The following RECQL5 variants were observed in gnomAD, a reference collection of about 807,000 sequenced individuals.
RECQL5 encodes the protein ATP-dependent DNA helicase Q5.
Under a neutral mutation model 103.4 loss-of-function variants are expected in RECQL5, and 88 were observed. The ratio of observed to expected loss-of-function variants is 0.85; its 90% CI spans 0.72 to 1.02. RECQL5 has a LOEUF of 1.02. Ranked by LOEUF, RECQL5 falls within the 50% of genes least tolerant of loss-of-function variation. The probability of loss-of-function intolerance (pLI) is 0.00; values close to 1 mark genes in which losing one functional copy is unlikely to be tolerated. For missense variants in RECQL5, 1,232 were observed against 1,284.3 expected (o/e 0.96, Z 0.62); for synonymous variants, 552 against 507.9 (o/e 1.09, Z -1.17).
chr17:75,664,002 C>T (rs574196744), intron 3 of RECQL5, among the ~76,000 whole-genome samples: 4 of 137,162 alleles, frequency 2.9e-5, no homozygotes, highest in East Asian at 2.2e-4. Context: ...TGCGGTGAGC[C>T]GAGAACACGC....
rs769320661 is a variant in RECQL5, at chr17:75,662,440, T to C, written c.771+39A>G. On this transcript the variant is annotated intron_variant, in intron 4 of 19. Coordinates refer to ENST00000317905, the MANE Select transcript of RECQL5 (RefSeq NM_004259.7). ...CCATCTCCATCACATCGCACCCCAC[T>C]GCTCTAACAGCTGCTTGGCCTCCAC... is the stretch of plus-strand genomic sequence containing the variant. 1.4e-5 allele frequency: 23 copies of C among 1,593,766 alleles called. 1 individual carries two copies. In the South Asian group the frequency reaches 2.4e-4, roughly 17 times the overall value.
chr17:75,655,280 C>T (rs562621565), intron 7 of RECQL5, among the ~76,000 whole-genome samples: 1 of 151,294 alleles, frequency 6.6e-6, no homozygotes, highest in Admixed American at 6.6e-5. Context: ...CCATGTTGGC[C>T]GGCTGGTCTC....
rs753140689 is a variant in RECQL5 at position 75,628,662 on chromosome 17, C to G, written c.2580+10G>C. 7 of 1,581,776 alleles carry G rather than the reference C, an allele frequency of 4.4e-6. No homozygotes were observed. The highest frequency in any genetic ancestry group is 1.2e-5 in the South Asian group (1 of 86,548). ...TCTCTCCTCCCCAACAGACTCATCC[C>G]TGCCGGCACCTGCTGGGATCGAGGC... On this transcript the variant is annotated intron_variant, in intron 17 of 19. Transcript: ENST00000317905.
chr17:75,631,486 T>C lies in RECQL5; in HGVS notation c.1412A>G (p.Tyr471Cys), dbSNP rs545985307. Residue 471 changes from tyrosine (Y) to cysteine (C), a missense_variant, in exon 9 of 20, where the codon TAT becomes TGT. Tyr to Cys is a radical substitution (Grantham distance 194). Transcript: ENST00000317905. The part of the protein sequence containing the change: ...SQGNGFDPEL[Y>C]EGGRKGYGDF... Reference sequence around the variant, plus strand: ...CCCGTAGCCCTTGCGGCCTCCCTCATACAGCTCGGGGTCAAAGCCGTTCCC... The same window carrying C: ...CCCGTAGCCCTTGCGGCCTCCCTCACACAGCTCGGGGTCAAAGCCGTTCCC... 26 of 1,613,226 alleles carry C rather than the reference T, an allele frequency of 1.6e-5. 1 individual carries two copies. The South Asian group carries it at 2.4e-4, about 15-fold the overall frequency.
intron 6 of RECQL5, among the ~76,000 whole-genome samples, chr17:75,659,914 T>G (rs948624467): frequency 3.9e-5 from 6 of 152,328 alleles, no homozygotes; most frequent in South Asian, 2.1e-4. Context: ...GCTAGGAGGC[T>G]GGGATGCACC....
In RECQL5 at chr17:75,660,213, C is replaced by T. The variant is rs868817553; in HGVS notation, c.986+742G>A. ...CCCCAAGTAGCTGGGACTACAGGCACGCACCACCACACCTGGCTAATTTTT... is the reference window on the plus strand; with the variant it reads ...CCCCAAGTAGCTGGGACTACAGGCATGCACCACCACACCTGGCTAATTTTT... On this transcript the variant is annotated intron_variant, in intron 6 of 19. Transcript: ENST00000317905. Among the ~76,000 whole-genome samples, 3 of 152,178 alleles carry T rather than the reference C, an allele frequency of 2.0e-5. No homozygotes were observed. In the East Asian group the frequency reaches 5.8e-4, roughly 29 times the overall value.
At chr17:75,647,606 G>A (rs1204357154) in intron 8 of RECQL5, 4 of 1,539,772 alleles carry the variant, frequency 2.6e-6, no homozygotes, top group Non-Finnish European at 3.5e-6. Flanking sequence ...GGGGAGGCGA[G>A]CTGACCTGCC....
intron 8 of RECQL5, chr17:75,647,380 G>A: frequency 6.5e-7 from 1 of 1,548,344 alleles, no homozygotes; most frequent in Non-Finnish European, 8.7e-7. Context: ...GATTCTCATG[G>A]ACCAACTGGT....
rs4788902 is a variant in RECQL5, at chr17:75,629,350, G to A, written c.2073C>T (p.His691=). Residue 691 remains histidine, a synonymous_variant, in exon 16 of 20, where the codon CAC becomes CAT. Coordinates refer to ENST00000317905, the MANE Select transcript of RECQL5 (RefSeq NM_004259.7). The part of the protein sequence containing the change: ...QAPQPERGGE[H]EPPSRPCGLL... ...GGCCACAGGGCCGGCTCGGGGGCTCGTGCTCGCCTCCCCGCTCGGGCTGGG... is the reference window on the plus strand; with the variant it reads ...GGCCACAGGGCCGGCTCGGGGGCTCATGCTCGCCTCCCCGCTCGGGCTGGG... 902,400 of 1,515,328 alleles carry A rather than the reference G, an allele frequency of 0.6. 276,486 individuals are homozygous for A. The highest frequency in any genetic ancestry group is 0.82 in the East Asian group (35,939 of 43,728). The allele number at this position is 1,515,328 out of a possible 1,614,324, so 93.9% of individuals were successfully genotyped here. A position where few individuals can be genotyped will look rare whatever the true frequency, so the allele number is the denominator to read the frequency against.
chr17:75,629,864 G>A (rs1239091313), intron 14 of RECQL5, 22 bp from the exon 15 acceptor site: 2 of 1,567,482 alleles, frequency 1.3e-6, no homozygotes, highest in South Asian at 2.4e-5. Flanking sequence ...TAGGCAGGGA[G>A]GCTGTGGCAC....
intron 7 of RECQL5, among the ~76,000 whole-genome samples, chr17:75,653,741 T>C (rs1391410087): frequency 6.6e-6 from 1 of 151,850 alleles, no homozygotes; most frequent in Non-Finnish European, 1.5e-5. Flanking sequence ...CTACTAAAAA[T>C]ACAAAAATTA....
intron 3 of RECQL5, among the ~76,000 whole-genome samples, chr17:75,664,054 C>CAAAAAAAAAA (rs34569441): frequency 6.6e-5 from 7 of 105,596 alleles, no homozygotes; most frequent in East Asian, 2.9e-4. Flanking sequence ...AACTCCATCT[C>CAAAAAAAAAA]AAAAAAAAAA....
At chr17:75,661,804 T>C in intron 4 of RECQL5, 96 bp from the exon 5 acceptor site, 2 of 884,538 alleles carry the variant, frequency 2.3e-6, no homozygotes, top group Admixed American at 2.2e-5. Flanking sequence ...TCTGTGTTCC[T>C]TCTCTCGTCG....
intron 8 of RECQL5, among the ~76,000 whole-genome samples, chr17:75,648,495 C>G (rs2059515085): frequency 6.6e-6 from 1 of 151,978 alleles, no homozygotes; most frequent in Non-Finnish European, 1.5e-5. Context: ...GCCTCAGCCT[C>G]CCGAGTAGCT....
chr17:75,637,826 A>T (rs1161340210), intron 8 of RECQL5: 5 of 152,346 alleles, frequency 3.3e-5, no homozygotes, highest in Non-Finnish European at 7.3e-5. Flanking sequence ...GCTCCTGGCT[A>T]TCTTGCTGGT....
At chr17:75,664,570 G>C (rs748588419) in intron 3 of RECQL5, among the ~76,000 whole-genome samples, 1 of 152,128 alleles carries the variant, frequency 6.6e-6, no homozygotes, top group Non-Finnish European at 1.5e-5. Flanking sequence ...CACTACATTG[G>C]GGAAATACAG....
At chr17:75,666,352 G>T in intron 2 of RECQL5, 76 bp downstream of exon 2, 1 of 1,521,634 alleles carries the variant, frequency 6.6e-7, no homozygotes. Flanking sequence ...TACGAAGGGT[G>T]AGGAGGAGGG....
At chr17:75,650,167 A>G (rs532785009) in intron 8 of RECQL5, 4 of 986,896 alleles carry the variant, frequency 4.1e-6, no homozygotes, top group Admixed American at 1.2e-4. Flanking sequence ...ATTGTGCTTG[A>G]AAAGGGCTCT....
chr17:75,632,674 G>A (rs1390251533), intron 8 of RECQL5, among the ~76,000 whole-genome samples: 3 of 152,202 alleles, frequency 2.0e-5, no homozygotes, highest in African/African-American at 7.2e-5. Context: ...AGGCTCTGTC[G>A]CATCTCTGTT....
Sources: allele counts gnomAD v4.1 joint callset (sites outside exome capture counted in the v4.1 genomes callset), GRCh38; gene constraint gnomAD v4.1.1; transcripts MANE v1.5; gene names NCBI Gene and HGNC (gene_info 2026-07-23, HGNC 2026-07-21).